TBC1D22B: variants seen among roughly 807,000 people sequenced by gnomAD.
TBC1D22B encodes the protein chromosome 6 open reading frame 197.
TBC1D22B carries 32 observed loss-of-function variants against 69.1 expected under a neutral mutation model. The ratio of observed to expected loss-of-function variants is 0.46; its 90% CI spans 0.35 to 0.62. The LOEUF (loss-of-function observed/expected upper bound fraction) is 0.62, where lower values mean the gene tolerates loss of function less well. Ranked by LOEUF, TBC1D22B falls within the 20% of genes least tolerant of loss-of-function variation. The probability of loss-of-function intolerance (pLI) is 0.00; values close to 1 mark genes in which losing one functional copy is unlikely to be tolerated. For missense variants in TBC1D22B, 462 were observed against 630.9 expected (o/e 0.73, Z 2.87); for synonymous variants, 206 against 229.8 (o/e 0.90, Z 0.94).
At chr6:37,278,508 A>C (rs1435177361) in intron 2 of TBC1D22B, among the ~76,000 whole-genome samples, 2 of 152,108 alleles carry the variant, frequency 1.3e-5, no homozygotes, top group Non-Finnish European at 2.9e-5. Context: ...CTCATGCTAC[A>C]TGTCTAAAAT....
chr6:37,312,262 A>G (rs959865433), intron 8 of TBC1D22B, among the ~76,000 whole-genome samples: 6 of 152,058 alleles, frequency 3.9e-5, no homozygotes, highest in African/African-American at 1.4e-4. Flanking sequence ...TCTCAACCAT[A>G]TTTGTCTGTG....
rs536711217 is a variant in TBC1D22B, at chr6:37,307,279, T to C, written c.983-5639T>C. ...TTTGTTGCTGTTTTAAGAGGTTCTT[T>C]AGATATGGTCAAAAATATTTTTTTA... is the stretch of plus-strand genomic sequence containing the variant. On this transcript the variant is annotated intron_variant, in intron 8 of 12. Coordinates refer to ENST00000373491, the MANE Select transcript of TBC1D22B (RefSeq NM_017772.4). Among the ~76,000 whole-genome samples the C allele has an allele frequency of 3.9e-5, 6 of 152,348 alleles. No homozygotes were observed. In the South Asian group the frequency reaches 8.3e-4, roughly 21 times the overall value.
At chr6:37,299,884 C>T (rs879318015) in intron 8 of TBC1D22B, among the ~76,000 whole-genome samples, 7 of 151,900 alleles carry the variant, frequency 4.6e-5, no homozygotes, top group Admixed American at 4.6e-4. Flanking sequence ...TGGCGGCTGC[C>T]TGTTATCTCA....
chr6:37,322,823 C>G (rs994404033), intron 12 of TBC1D22B, among the ~76,000 whole-genome samples: 2 of 152,108 alleles, frequency 1.3e-5, no homozygotes, highest in African/African-American at 4.8e-5. Flanking sequence ...AACCCAAAAC[C>G]AAGGGGTTAC....
intron 8 of TBC1D22B, among the ~76,000 whole-genome samples, chr6:37,312,053 T>C (rs539740642): frequency 5.9e-5 from 9 of 152,248 alleles, no homozygotes; most frequent in Non-Finnish European, 1.2e-4. Context: ...CTCACTCCTG[T>C]TACTCAGTGG....
intron 8 of TBC1D22B, among the ~76,000 whole-genome samples, chr6:37,308,981 AT>A (rs34043248): frequency 0.19 from 29,312 of 151,666 alleles, 2,926 homozygotes; most frequent in Non-Finnish European, 0.21. Context: ...AGTGGCTTAA[AT>A]AAGGTAGAAG....
intron 5 of TBC1D22B, among the ~76,000 whole-genome samples, chr6:37,284,045 A>G (rs766960026): frequency 2.0e-5 from 3 of 152,166 alleles, no homozygotes; most frequent in Non-Finnish European, 2.9e-5. Context: ...TCACTGCTGT[A>G]CTGTGCCAGC....
rs1218586234 is a variant in TBC1D22B at position 37,291,369 on chromosome 6, T to G, written c.982+12T>G. ...CTCAGAATATGTGGGTAAGAAGCAT[T>G]AGTACCAAGCTGAACAAGCTATTGC... On this transcript the variant is annotated intron_variant, in intron 8 of 12. Transcript: ENST00000373491. 1.3e-6 allele frequency: 2 copies of G among 1,567,290 alleles called. No homozygotes were observed. The highest frequency in any genetic ancestry group is 2.3e-5 in the East Asian group (1 of 44,386).
intron 2 of TBC1D22B, among the ~76,000 whole-genome samples, chr6:37,277,672 T>A (rs756123542): frequency 6.6e-6 from 1 of 151,944 alleles, no homozygotes; most frequent in African/African-American, 2.4e-5. Context: ...TTCACCATGT[T>A]GGCCAGGCTG....
chr6:37,279,457 C>G lies in TBC1D22B; in HGVS notation c.267C>G (p.Asn89Lys). 6.2e-7 allele frequency: 1 copy of G among 1,614,158 alleles called. No individual in the cohort carries two copies. Among genetic ancestry groups the G allele is most frequent in the South Asian group, 1.1e-5 (1 of 91,082 alleles). Reference sequence around the variant, plus strand: ...CCTCACCTTCTTTCCAAACTCTGAACTCAAAAGTTGCTTTGGCAACTGCAG... The same window carrying G: ...CCTCACCTTCTTTCCAAACTCTGAAGTCAAAAGTTGCTTTGGCAACTGCAG... Reference protein sequence around the residue: ...DFSSPSFQTLNSKVALATAAQ... With the variant: ...DFSSPSFQTLKSKVALATAAQ... Residue 89 changes from asparagine to lysine, a missense_variant, in exon 3 of 13, where the codon AAC (asparagine) becomes AAG (lysine). Transcript: ENST00000373491.
chr6:37,291,155 GGA>G, intron 7 of TBC1D22B, 86 bp from the exon 8 acceptor site: 1 of 927,300 alleles, frequency 1.1e-6, no homozygotes, highest in Non-Finnish European at 1.7e-6. Context: ...ACACCAACCT[GGA>G]GGTAAATTGT....
At chr6:37,267,383 TAATATATATATACACACATATATA>T (rs1562039564) in intron 1 of TBC1D22B, among the ~76,000 whole-genome samples, 6 of 34,840 alleles carry the variant, frequency 1.7e-4, no homozygotes, top group African/African-American at 5.4e-4. Context: ...CACACATATA[TAATATATATATACACACATATATA>T]ATATATATAT....
Position 37,285,032 on chromosome 6 carries a change from G to C in TBC1D22B, c.801+568G>C, listed in dbSNP as rs189166277. Among the ~76,000 whole-genome samples, 4 of 152,278 alleles carry C rather than the reference G, an allele frequency of 2.6e-5. No homozygotes were observed. In the East Asian group the frequency reaches 7.7e-4, roughly 29 times the overall value. On this transcript the variant is annotated intron_variant, in intron 6 of 12. Transcript: ENST00000373491. ...GAGTCTTCTGTCATTGCCCATAATG[G>C]TCCTCATGGTCTGCGGAAAGGTCTG...
intron 8 of TBC1D22B, among the ~76,000 whole-genome samples, chr6:37,299,440 T>C (rs1168188300): frequency 6.6e-6 from 1 of 152,266 alleles, no homozygotes; most frequent in Non-Finnish European, 1.5e-5. Context: ...ATTATTTATC[T>C]CTTAACTTTG....
rs1768590822 is a variant in TBC1D22B at position 37,331,843 on chromosome 6, T to G, written c.*671T>G. On this transcript the variant is annotated 3_prime_UTR_variant, in exon 13 of 13. Transcript: ENST00000373491. ...ATTTAGTCACATGTCTGAATTTCTGTGTCCAGACGAGCCCCATCAAACTAG... is the reference window on the plus strand; with the variant it reads ...ATTTAGTCACATGTCTGAATTTCTGGGTCCAGACGAGCCCCATCAAACTAG... 6.6e-6 allele frequency: 1 copy of G among 152,612 alleles called. No individual in the cohort carries two copies. Among genetic ancestry groups the G allele is most frequent in the African/African-American group, 2.4e-5 (1 of 41,434 alleles). The allele number at this position is 152,612 out of a possible 1,614,324, so 9.5% of individuals were successfully genotyped here. A position where few individuals can be genotyped will look rare whatever the true frequency, so the allele number is the denominator to read the frequency against.
chr6:37,296,534 G>A (rs1431289572), intron 8 of TBC1D22B, among the ~76,000 whole-genome samples: 3 of 151,962 alleles, frequency 2.0e-5, no homozygotes, highest in Non-Finnish European at 2.9e-5. Context: ...ATTTTTTTTA[G>A]AGATAAATTT....
intron 8 of TBC1D22B, among the ~76,000 whole-genome samples, chr6:37,309,681 C>T (rs1767844485): frequency 1.3e-5 from 2 of 152,142 alleles, no homozygotes; most frequent in South Asian, 4.1e-4. Flanking sequence ...AAGAGTCTGC[C>T]TGAGCCTGTG....
intron 1 of TBC1D22B, among the ~76,000 whole-genome samples, chr6:37,259,519 G>A (rs1765995373): frequency 6.6e-6 from 1 of 152,060 alleles, no homozygotes; most frequent in African/African-American, 2.4e-5. Flanking sequence ...ACGTGGCATG[G>A]GCTTCTGTGC....
intron 12 of TBC1D22B, 108 bp downstream of exon 12, chr6:37,317,314 A>C: frequency 8.8e-7 from 1 of 1,130,094 alleles, no homozygotes; most frequent in East Asian, 2.6e-5. Context: ...CCTGGCTGGG[A>C]GTAGGAAGGG....
Sources: allele counts gnomAD v4.1 joint callset (sites outside exome capture counted in the v4.1 genomes callset), GRCh38; gene constraint gnomAD v4.1.1; transcripts MANE v1.5; gene names NCBI Gene and HGNC (gene_info 2026-07-23, HGNC 2026-07-21).